The following ELF1 variants were observed in gnomAD, a reference collection of about 807,000 sequenced individuals.
The protein encoded by ELF1 is E74 like ETS transcription factor 1.
A neutral mutation model predicts 59.9 loss-of-function variants in ELF1; 24 were observed. The ratio of observed to expected loss-of-function variants is 0.40; its 90% CI spans 0.29 to 0.56. ELF1 has a LOEUF of 0.56. Ranked by LOEUF, ELF1 falls within the 20% of genes least tolerant of loss-of-function variation. The pLI is 0.44. For missense variants in ELF1, 627 were observed against 742.2 expected (o/e 0.84, Z 1.80); for synonymous variants, 248 against 266.2 (o/e 0.93, Z 0.67).
chr13:41,050,521 C>T (rs1877042453), intron 1 of ELF1, among the ~76,000 whole-genome samples: 1 of 152,132 alleles, frequency 6.6e-6, no homozygotes, highest in Non-Finnish European at 1.5e-5. Flanking sequence ...GAGTATATAT[C>T]AAGAAGCAGA....
chr13:40,988,986 C>CA (rs1873700951), intron 1 of ELF1, among the ~76,000 whole-genome samples: 1 of 152,118 alleles, frequency 6.6e-6, no homozygotes, highest in African/African-American at 2.4e-5. Context: ...TCAGTAGAGA[C>CA]AGTGTCTCAC....
chr13:41,048,304 C>T (rs1876946265), intron 1 of ELF1, among the ~76,000 whole-genome samples: 1 of 152,228 alleles, frequency 6.6e-6, no homozygotes, highest in African/African-American at 2.4e-5. Context: ...GTCCGACAAG[C>T]CCCAGTGAGA....
In ELF1 at chr13:40,933,630, A is replaced by G. The variant is rs566775364; in HGVS notation, c.1655T>C (p.Val552Ala). 4.3e-5 allele frequency: 69 copies of G among 1,614,226 alleles called. No homozygotes were observed. The South Asian group carries it at 6.5e-4, about 15-fold the overall frequency. The change falls in exon 9 of 9, where the codon GTA becomes GCA. Residue 552 changes from valine to alanine, a missense_variant. Physicochemically the swap from Val to Ala is moderately conservative, Grantham distance 64. Coordinates refer to ENST00000239882, the MANE Select transcript of ELF1 (RefSeq NM_172373.4). ...SQLVAHPPGT[V>A]ITSVIKTQET... is the part of the protein sequence containing the mutation. ...TTGAGTTTTGATAACTGAAGTGATT[A>G]CAGTGCCAGGTGGGTGAGCAACCAG...
chr13:40,999,672 A>C (rs6560968), intron 1 of ELF1, among the ~76,000 whole-genome samples: 150,290 of 152,338 alleles, frequency 0.99, 74,159 homozygotes, highest in East Asian at 1. Flanking sequence ...ACAGTTTAAA[A>C]AGACATTCCA....
intron 1 of ELF1, among the ~76,000 whole-genome samples, chr13:41,053,281 G>A (rs1219848819): frequency 1.3e-5 from 2 of 151,890 alleles, no homozygotes; most frequent in Non-Finnish European, 2.9e-5. Context: ...TTGAACCCGG[G>A]AGGCAGAGCT....
chr13:40,990,475 A>G (rs1449236539), intron 1 of ELF1, among the ~76,000 whole-genome samples: 3 of 152,164 alleles, frequency 2.0e-5, no homozygotes, highest in Admixed American at 1.3e-4. Context: ...AATGGAACCT[A>G]ATATCAGGGT....
Position 40,933,336 on chromosome 13 carries a change from C to T in ELF1, c.*89G>A, listed in dbSNP as rs1338760923. The T allele has an allele frequency of 2.0e-6, 3 of 1,479,268 alleles. No individual in the cohort carries two copies. Among genetic ancestry groups the T allele is most frequent in the Non-Finnish European group, 2.7e-6 (3 of 1,105,980 alleles). 91.6% of individuals were successfully genotyped at this position (1,479,268 alleles called of 1,614,324 possible). A position where few individuals can be genotyped will look rare whatever the true frequency, so the allele number is the denominator to read the frequency against. ...TTAACAATTACAAAATTAGAAACCT[C>T]CTTAGAATTTATCTTAGAATCAGTC... On this transcript the variant is annotated 3_prime_UTR_variant, in exon 9 of 9. Coordinates refer to ENST00000239882, the MANE Select transcript of ELF1 (RefSeq NM_172373.4).
rs967220267 is a variant in ELF1, at chr13:41,010,266, G to A, written c.-229+8962C>T. Among the ~76,000 whole-genome samples the A allele has an allele frequency of 9.1e-5, 11 of 121,398 alleles. No homozygotes were observed. The South Asian group carries it at 1.6e-3, about 17-fold the overall frequency. The allele number at this position is 121,398 out of a possible 152,430, so 79.6% of individuals were successfully genotyped here. A position where few individuals can be genotyped will look rare whatever the true frequency, so the allele number is the denominator to read the frequency against. On this transcript the variant is annotated intron_variant, in intron 1 of 8. Coordinates refer to ENST00000239882, the MANE Select transcript of ELF1 (RefSeq NM_172373.4). ...ACCAATAAAAAAATAAAATAAAAAA[G>A]AAAGAAAGAAAGGAAAAAAAAAAAA...
In ELF1 at chr13:40,982,136, T is replaced by C; in HGVS notation, c.-82A>G. 6.4e-7 allele frequency: 1 copy of C among 1,562,674 alleles called. No homozygotes were observed. The highest frequency in any genetic ancestry group is 8.7e-7 in the Non-Finnish European group (1 of 1,156,064). On this transcript the variant is annotated 5_prime_UTR_variant, in exon 2 of 9. Transcript: ENST00000239882. Reference sequence around the variant, plus strand: ...AGGCAGCAAAATCCAGTGACTGATTTGGGTAAAAAACCCTCAGCTCTGTCT... The same window carrying C: ...AGGCAGCAAAATCCAGTGACTGATTCGGGTAAAAAACCCTCAGCTCTGTCT...
intron 2 of ELF1, among the ~76,000 whole-genome samples, chr13:40,972,023 A>T (rs1449754023): frequency 6.6e-6 from 1 of 152,216 alleles, no homozygotes; most frequent in Non-Finnish European, 1.5e-5. Flanking sequence ...ATTAATAAAT[A>T]TCAGAGTAGT....
intron 2 of ELF1, among the ~76,000 whole-genome samples, chr13:40,963,972 A>T (rs548960067): frequency 6.6e-6 from 1 of 152,142 alleles, no homozygotes; most frequent in Non-Finnish European, 1.5e-5. Context: ...TATATACAAA[A>T]TACATTTAGG....
At chr13:41,021,944 C>T (rs985650311), upstream of ELF1, among the ~76,000 whole-genome samples, 33 of 152,218 alleles carry the variant, frequency 2.2e-4, no homozygotes, top group Non-Finnish European at 4.1e-4. Flanking sequence ...GCGACTACAA[C>T]TCTCATATAT....
chr13:40,959,971 A>G (rs1871713485), intron 2 of ELF1, among the ~76,000 whole-genome samples: 1 of 152,214 alleles, frequency 6.6e-6, no homozygotes, highest in African/African-American at 2.4e-5. Context: ...GACTTATAAA[A>G]GTTGCAAAAA....
At chr13:41,011,447 G>A (rs966139982) in intron 1 of ELF1, among the ~76,000 whole-genome samples, 6 of 152,054 alleles carry the variant, frequency 3.9e-5, no homozygotes, top group Admixed American at 3.9e-4. Context: ...GAAATAGGCA[G>A]TTAACTTTTT....
intron 1 of ELF1, among the ~76,000 whole-genome samples, chr13:41,005,141 T>C (rs1407806133): frequency 6.6e-6 from 1 of 152,100 alleles, no homozygotes; most frequent in Admixed American, 6.6e-5. Flanking sequence ...TGAAAATATA[T>C]GAAAGTACAG....
intron 1 of ELF1, among the ~76,000 whole-genome samples, chr13:41,046,844 TG>T (rs538516149): frequency 2.6e-4 from 39 of 152,356 alleles, no homozygotes; most frequent in African/African-American, 8.9e-4. Flanking sequence ...CTTGCCAGAT[TG>T]GGGGAGTTCT....
intron 3 of ELF1, among the ~76,000 whole-genome samples, chr13:40,955,092 C>G (rs910682508): frequency 6.7e-6 from 1 of 149,752 alleles, no homozygotes; most frequent in Non-Finnish European, 1.5e-5. Flanking sequence ...CGTCTCTGCC[C>G]GGCTGCCCCG....
intron 2 of ELF1, among the ~76,000 whole-genome samples, chr13:40,965,466 T>A (rs1227356746): frequency 6.6e-6 from 1 of 151,742 alleles, no homozygotes; most frequent in Non-Finnish European, 1.5e-5. Context: ...TACTAAAAAA[T>A]AAAAAAATTA....
chr13:40,995,865 C>T (rs1287762114), intron 1 of ELF1, among the ~76,000 whole-genome samples: 1 of 152,032 alleles, frequency 6.6e-6, no homozygotes, highest in East Asian at 1.9e-4. Flanking sequence ...AATTGATAAG[C>T]TGGACTTCAT....
Sources: gnomAD v4.1 joint callset for allele counts (sites outside exome capture counted in the v4.1 genomes callset) on GRCh38, gnomAD v4.1.1 for gene constraint, MANE v1.5 for transcripts, NCBI Gene and HGNC (gene_info 2026-07-23, HGNC 2026-07-21) for gene names.